CELSR1: variants seen among roughly 807,000 people sequenced by gnomAD.
CELSR1 encodes the protein adhesion G protein-coupled receptor C1.
Under a neutral mutation model 249.1 loss-of-function variants are expected in CELSR1, and 110 were observed. The observed-to-expected ratio is 0.44, with a 90% CI of 0.38 to 0.52. The LOEUF (loss-of-function observed/expected upper bound fraction) is 0.52, where lower values mean the gene tolerates loss of function less well. Ranked by LOEUF, CELSR1 falls within the 20% of genes least tolerant of loss-of-function variation. The pLI, the probability that CELSR1 is intolerant of heterozygous loss-of-function variation, is 0.00. For missense variants in CELSR1, 4,109 were observed against 4,296.4 expected (o/e 0.96, Z 1.22); for synonymous variants, 2,113 against 1,900.0 (o/e 1.11, Z -2.92).
At chr22:46,372,215 TCTACTCAC>T (rs2078860442) in intron 25 of CELSR1, among the ~76,000 whole-genome samples, 1 of 124,800 alleles carries the variant, frequency 8.0e-6, no homozygotes, top group African/African-American at 3.1e-5. Context: ...CAACCATCCA[TCTACTCAC>T]CCATCCATGC....
chr22:46,487,791 T>C (rs1677819334), intron 1 of CELSR1, among the ~76,000 whole-genome samples: 1 of 125,864 alleles, frequency 7.9e-6, no homozygotes, highest in African/African-American at 3.1e-5. Flanking sequence ...TCCAGGATAC[T>C]GACGGAAGTA....
intron 12 of CELSR1, among the ~76,000 whole-genome samples, chr22:46,397,414 C>A (rs1015806578): frequency 6.6e-5 from 10 of 151,818 alleles, no homozygotes; most frequent in African/African-American, 2.4e-4. Context: ...AGCCACTGCA[C>A]CCGGCCTTAC....
At chr22:46,384,794 ATTT>A in intron 19 of CELSR1, 108 bp from the exon 20 acceptor site, 1 of 1,240,910 alleles carries the variant, frequency 8.1e-7, no homozygotes, top group South Asian at 1.7e-5. Flanking sequence ...GGCCATATTT[ATTT>A]ATTTATTTTT....
In CELSR1 at chr22:46,512,154, C is replaced by T. The variant is rs1008996311; in HGVS notation, c.3544+21473G>A. Among the ~76,000 whole-genome samples, 2 of 152,190 alleles carry T rather than the reference C, an allele frequency of 1.3e-5. No homozygotes were observed. Among genetic ancestry groups the T allele is most frequent in the Admixed American group, 6.5e-5 (1 of 15,282 alleles). The stretch of plus-strand genomic sequence containing the variant: ...AACACAGCAGCAGCAAGAGTGACGG[C>T]GGCGCTCATAAGCCCTTACTAAGCG... On this transcript the variant is annotated intron_variant, in intron 1 of 34. Transcript: ENST00000674500. The surrounding 1 kb of genome is among the most constrained non-coding windows in gnomAD (Gnocchi z 5.2).
At chr22:46,372,056 T>C (rs1028894714) in intron 25 of CELSR1, among the ~76,000 whole-genome samples, 5 of 143,856 alleles carry the variant, frequency 3.5e-5, no homozygotes, top group African/African-American at 1.1e-4. Context: ...TATATCCATC[T>C]ACCCACCCAT....
At position 46,408,206 on chromosome 22, in the gene CELSR1, G is replaced by A. The variant is rs763182985; in HGVS notation, c.5226+790C>T. 6.6e-5 allele frequency among the ~76,000 whole-genome samples: 10 copies of A among 152,226 alleles called. No individual in the cohort carries two copies. The highest frequency in any genetic ancestry group is 1.2e-4 in the Non-Finnish European group (8 of 68,028). Reference sequence around the variant, plus strand: ...AAATAAACTTTTGTTTCAAATAAACGAAACAGTAAAGATCAATAAGACAGA... The same window carrying A: ...AAATAAACTTTTGTTTCAAATAAACAAAACAGTAAAGATCAATAAGACAGA... On this transcript the variant is annotated intron_variant, in intron 9 of 34. Coordinates refer to ENST00000674500, the MANE Select transcript of CELSR1 (RefSeq NM_001378328.1). This position sits in a 1 kb window ranked among gnomAD's most constrained non-coding sequence, Gnocchi z 4.6.
At position 46,533,614 on chromosome 22, in the gene CELSR1, G is replaced by A. The variant is rs199927857; in HGVS notation, c.3544+13C>T. On this transcript the variant is annotated intron_variant, in intron 1 of 34. Transcript: ENST00000674500. ...CATCAGGAGCTACTCCTCCCACCCC[G>A]ACGGCCACTCACCAGACACAGACAC... The A allele has an allele frequency of 2.0e-4, 304 of 1,538,818 alleles. 1 individual carries two copies. Among genetic ancestry groups the A allele is most frequent in the Non-Finnish European group, 1.6e-4 (180 of 1,147,402 alleles).
intron 2 of CELSR1, among the ~76,000 whole-genome samples, chr22:46,461,695 G>A (rs2080029587): frequency 6.6e-6 from 1 of 152,234 alleles, no homozygotes; most frequent in East Asian, 1.9e-4. Context: ...GCGCTGGCCT[G>A]GTATACAGTA....
In CELSR1 at chr22:46,468,222, C is replaced by A. The variant is rs2080118198; in HGVS notation, c.3545-3877G>T. On this transcript the variant is annotated intron_variant, in intron 1 of 34. Coordinates refer to ENST00000674500, the MANE Select transcript of CELSR1 (RefSeq NM_001378328.1). This position sits in a 1 kb window ranked among gnomAD's most constrained non-coding sequence, Gnocchi z 4.5. ...GCGACCTGGTGAAACCATGTCTCTACTAAAAATACAAAAATTAGCTGGGCG... is the reference window on the plus strand; with the variant it reads ...GCGACCTGGTGAAACCATGTCTCTAATAAAAATACAAAAATTAGCTGGGCG... Among the ~76,000 whole-genome samples, 1 of 152,060 alleles carries A rather than the reference C, an allele frequency of 6.6e-6. No homozygotes were observed. Among genetic ancestry groups the A allele is most frequent in the Admixed American group, 6.6e-5 (1 of 15,244 alleles).
rs994675730 is a variant in CELSR1, at chr22:46,390,151, A to G, written c.6345+241T>C. Among the ~76,000 whole-genome samples, 12 of 152,174 alleles carry G rather than the reference A, an allele frequency of 7.9e-5. No individual in the cohort carries two copies. The highest frequency in any genetic ancestry group is 2.9e-4 in the African/African-American group (12 of 41,432). On this transcript the variant is annotated intron_variant, in intron 17 of 34. Coordinates refer to ENST00000674500, the MANE Select transcript of CELSR1 (RefSeq NM_001378328.1). The surrounding 1 kb of genome is among the most constrained non-coding windows in gnomAD (Gnocchi z 6.3). ...GGACCCCGTGTTTTCAGAACCAAAG[A>G]CACAGAGCTGGGTCCTCTGGGGGAG... is the stretch of plus-strand genomic sequence containing the variant.
Position 46,362,944 on chromosome 22 carries a change from C to G in CELSR1, c.*279G>C. On this transcript the variant is annotated 3_prime_UTR_variant, in exon 35 of 35. Transcript: ENST00000674500. ...ACTGCAGTCTTAGGACTCAGCGGTG[C>G]TGGCCCAGTGGTCCACGCCTCCCTC... is the stretch of plus-strand genomic sequence containing the variant. 1.7e-6 allele frequency: 1 copy of G among 587,436 alleles called. No homozygotes were observed. 36.4% of individuals were successfully genotyped at this position (587,436 alleles called of 1,614,324 possible).
intron 5 of CELSR1, among the ~76,000 whole-genome samples, chr22:46,420,239 C>G (rs997674446): frequency 6.6e-6 from 1 of 151,920 alleles, no homozygotes; most frequent in African/African-American, 2.4e-5. Flanking sequence ...CCCACATATG[C>G]TCACCCACAC....
At chr22:46,508,163 G>A (rs1361353609) in intron 1 of CELSR1, among the ~76,000 whole-genome samples, 1 of 151,858 alleles carries the variant, frequency 6.6e-6, no homozygotes, top group African/African-American at 2.4e-5. Context: ...CGGCTCCTAG[G>A]ACACCAGCTG....
In CELSR1 at chr22:46,365,273, T is replaced by C; in HGVS notation, c.8512A>G (p.Lys2838Glu). Residue 2838 changes from lysine (K) to glutamate (E), a missense_variant, in exon 32 of 35, where the codon AAA (lysine) becomes GAA (glutamate). Lys to Glu is a moderately conservative substitution (Grantham distance 56, BLOSUM62 1). Coordinates refer to ENST00000674500, the MANE Select transcript of CELSR1 (RefSeq NM_001378328.1). The stretch of plus-strand genomic sequence containing the variant: ...ACGGCGCCCCTGGCCGGGTCCCATT[T>C]TTCCTCAGCTCCCACCCCATCGTCC... ...SEDDGVGAEE[K>E]WDPARGAVHS... is the part of the protein sequence containing the mutation. 1 of 1,612,792 alleles carries C rather than the reference T, an allele frequency of 6.2e-7. No individual in the cohort carries two copies.
At chr22:46,449,835 C>A (rs947206660) in intron 2 of CELSR1, among the ~76,000 whole-genome samples, 1 of 152,256 alleles carries the variant, frequency 6.6e-6, no homozygotes, top group African/African-American at 2.4e-5. Flanking sequence ...AAAGGGTGGG[C>A]ACAGCTAAGG....
rs934677224 is a variant in CELSR1, at chr22:46,423,624, A to G, written c.4611+9769T>C. Among the ~76,000 whole-genome samples, 9 of 145,812 alleles carry G rather than the reference A, an allele frequency of 6.2e-5. No individual in the cohort carries two copies. The highest frequency in any genetic ancestry group is 2.1e-4 in the African/African-American group (8 of 38,006). The stretch of plus-strand genomic sequence containing the variant: ...TCGTCTCAGAAAAAAAAAAAAAAAA[A>G]GACTCCATGCTTTAGGCAGTTTATG... On this transcript the variant is annotated intron_variant, in intron 5 of 34. Transcript: ENST00000674500. This position sits in a 1 kb window ranked among gnomAD's most constrained non-coding sequence, Gnocchi z 5.6.
chr22:46,386,291 C>T, intron 19 of CELSR1, 111 bp downstream of exon 19: 1 of 1,228,320 alleles, frequency 8.1e-7, no homozygotes, highest in South Asian at 1.8e-5. Flanking sequence ...TTTCTAAGAG[C>T]ATGGCCAAGG....
chr22:46,521,591 C>T (rs572497358), intron 1 of CELSR1, among the ~76,000 whole-genome samples: 3 of 150,922 alleles, frequency 2.0e-5, no homozygotes, highest in Non-Finnish European at 4.4e-5. Context: ...TTGAGGCAGG[C>T]GGATCATCTG....
intron 1 of CELSR1, among the ~76,000 whole-genome samples, chr22:46,509,818 G>A (rs2080554331): frequency 1.3e-5 from 2 of 152,192 alleles, no homozygotes; most frequent in Non-Finnish European, 2.9e-5. Flanking sequence ...CGGCAGGGCA[G>A]TACCCATGCA....
Sources: allele counts gnomAD v4.1 joint callset (sites outside exome capture counted in the v4.1 genomes callset), GRCh38; gene constraint gnomAD v4.1.1; non-coding constraint Gnocchi (gnomAD v3.1); transcripts MANE v1.5; gene names NCBI Gene and HGNC (gene_info 2026-07-23, HGNC 2026-07-21).